Variants in NRXN1 observed in about 807,000 individuals in gnomAD.
NRXN1 encodes neurexin-1.
NRXN1 carries 39 observed loss-of-function variants against 150.9 expected under a neutral mutation model. The observed-to-expected ratio is 0.26, with a 90% CI of 0.20 to 0.34. NRXN1 has a LOEUF of 0.34. NRXN1 is among the 10% of genes least tolerant of loss of function. NRXN1 has a pLI of 1.00. For missense variants in NRXN1, 1,815 were observed against 1,949.9 expected, an observed-to-expected ratio of 0.93 and a Z score of 1.30; for synonymous variants, 924 against 757.0, an observed-to-expected ratio of 1.22 and a Z score of -3.62.
At chr2:50,478,200 A>G (rs1001332040) in intron 15 of NRXN1, among the ~76,000 whole-genome samples, 1 of 152,182 alleles carries the variant, frequency 6.6e-6, no homozygotes, top group African/African-American at 2.4e-5. Flanking sequence ...TATCTGATAA[A>G]CAAACATTTG....
At chr2:49,940,215 C>T (rs965848800) in intron 22 of NRXN1, among the ~76,000 whole-genome samples, 1 of 152,114 alleles carries the variant, frequency 6.6e-6, no homozygotes, top group Non-Finnish European at 1.5e-5. Flanking sequence ...CATCTCCTTA[C>T]AAAGATTTGC....
chr2:50,008,188 T>C (rs1285074856), intron 21 of NRXN1, among the ~76,000 whole-genome samples: 1 of 152,152 alleles, frequency 6.6e-6, no homozygotes, highest in Non-Finnish European at 1.5e-5. Flanking sequence ...ATAGCATTGA[T>C]ACATGGTTTT....
chr2:50,610,019 T>C (rs939873287), intron 8 of NRXN1, among the ~76,000 whole-genome samples: 7 of 152,156 alleles, frequency 4.6e-5, no homozygotes, highest in Non-Finnish European at 1.5e-5. Flanking sequence ...TTAATTTGTT[T>C]TAAATGTGTT....
chr2:50,550,318 T>A (rs550552962), intron 9 of NRXN1, among the ~76,000 whole-genome samples: 208 of 152,078 alleles, frequency 1.4e-3, no homozygotes, highest in African/African-American at 4.8e-3. Context: ...CCTGGAACTC[T>A]TGGGCTCAAG....
chr2:50,817,037 G>A (rs1199759964), intron 5 of NRXN1, among the ~76,000 whole-genome samples: 1 of 151,982 alleles, frequency 6.6e-6, no homozygotes, highest in Non-Finnish European at 1.5e-5. Context: ...AAGAAAAAGG[G>A]TCATGAGGAA....
intron 21 of NRXN1, among the ~76,000 whole-genome samples, chr2:50,020,016 T>G (rs1009432007): frequency 6.8e-6 from 1 of 146,220 alleles, no homozygotes; most frequent in Admixed American, 6.8e-5. Flanking sequence ...CATTAACTAT[T>G]ATAAGGTGGT....
In NRXN1 at chr2:50,240,215, C is replaced by T. The variant is rs72837444; in HGVS notation, c.3365-3245G>A. On this transcript the variant is annotated intron_variant, in intron 17 of 22. Transcript: ENST00000401669. ...TTTCACCAAAACAAAGCAAAAAAATCGCAACTACTGTTTGTCAAACATTGC... is the reference window on the plus strand; with the variant it reads ...TTTCACCAAAACAAAGCAAAAAAATTGCAACTACTGTTTGTCAAACATTGC... Among the ~76,000 whole-genome samples, 1,299 of 151,754 alleles carry T rather than the reference C, an allele frequency of 8.6e-3. 8 individuals carry two copies. The highest frequency in any genetic ancestry group is 0.01 in the Non-Finnish European group (679 of 67,722).
In NRXN1 at chr2:50,302,385, T is replaced by C. The variant is rs549391357; in HGVS notation, c.3365-65415A>G. Among the ~76,000 whole-genome samples, 3 of 152,314 alleles carry C rather than the reference T, an allele frequency of 2.0e-5. No homozygotes were observed. In the South Asian group the frequency reaches 6.2e-4, roughly 32 times the overall value. On this transcript the variant is annotated intron_variant, in intron 17 of 22. Coordinates refer to ENST00000401669, the MANE Select transcript of NRXN1 (RefSeq NM_001330078.2). ...TTGAAATAATGAATAATTTAATCAATTAATACATAATGGGAGCAAATGACT... is the reference window on the plus strand; with the variant it reads ...TTGAAATAATGAATAATTTAATCAACTAATACATAATGGGAGCAAATGACT...
At chr2:50,019,382 C>G in intron 21 of NRXN1, 2 of 450,302 alleles carry the variant, frequency 4.4e-6, no homozygotes, top group East Asian at 1.5e-4. Context: ...CGGTGGCTCA[C>G]GCCTGTAATC....
chr2:50,957,434 G>A (rs992977693), intron 2 of NRXN1, among the ~76,000 whole-genome samples: 4 of 152,074 alleles, frequency 2.6e-5, no homozygotes, highest in Admixed American at 1.3e-4. Context: ...GGATATTACC[G>A]GCATTTACTG....
chr2:50,486,376 T>C (rs2090874639), intron 15 of NRXN1, among the ~76,000 whole-genome samples: 1 of 152,180 alleles, frequency 6.6e-6, no homozygotes, highest in African/African-American at 2.4e-5. Flanking sequence ...TTTTCTACAA[T>C]ACCACTCTAT....
chr2:50,962,330 C>T (rs975553598), intron 2 of NRXN1, among the ~76,000 whole-genome samples: 4 of 151,594 alleles, frequency 2.6e-5, no homozygotes, highest in African/African-American at 9.7e-5. Context: ...CTGAGTATCC[C>T]TTGAGGCCTC....
At chr2:50,291,012 G>A (rs1261322161) in intron 17 of NRXN1, among the ~76,000 whole-genome samples, 1 of 152,074 alleles carries the variant, frequency 6.6e-6, no homozygotes, top group South Asian at 2.1e-4. Context: ...CGTGACACCA[G>A]CATATTTCTA....
chr2:50,599,348 G>C (rs1039500928), intron 8 of NRXN1, among the ~76,000 whole-genome samples: 1 of 152,110 alleles, frequency 6.6e-6, no homozygotes, highest in East Asian at 1.9e-4. Flanking sequence ...CAAATAAATT[G>C]TGCCTTTAGA....
chr2:50,846,550 T>G (rs1271287783), intron 5 of NRXN1, among the ~76,000 whole-genome samples: 1 of 152,296 alleles, frequency 6.6e-6, no homozygotes, highest in South Asian at 2.1e-4. Context: ...TTCAGAAATA[T>G]GGTGGCAATA....
intron 18 of NRXN1, among the ~76,000 whole-genome samples, chr2:50,220,398 T>C (rs564422884): frequency 7.2e-5 from 11 of 152,038 alleles, no homozygotes; most frequent in Admixed American, 6.6e-4. Context: ...ATGCCAACCC[T>C]GCTGAAGAAA....
chr2:50,921,105 A>G (rs1685963303), intron 5 of NRXN1, among the ~76,000 whole-genome samples: 1 of 151,828 alleles, frequency 6.6e-6, no homozygotes, highest in Admixed American at 6.6e-5. Context: ...ACACACAGTT[A>G]AAAATGGTTG....
At chr2:50,875,042 C>A (rs1332642866) in intron 5 of NRXN1, among the ~76,000 whole-genome samples, 1 of 151,744 alleles carries the variant, frequency 6.6e-6, no homozygotes, top group Non-Finnish European at 1.5e-5. Context: ...TATACTAGAG[C>A]ATTCTGCTCC....
chr2:49,974,367 C>A (rs376222810), intron 21 of NRXN1, among the ~76,000 whole-genome samples: 2 of 152,114 alleles, frequency 1.3e-5, no homozygotes, highest in Admixed American at 6.5e-5. Context: ...GCTCCCCTAA[C>A]GAGACCGCAT....
Sources: gnomAD v4.1 joint callset for allele counts (sites outside exome capture counted in the v4.1 genomes callset) on GRCh38, gnomAD v4.1.1 for gene constraint, MANE v1.5 for transcripts, NCBI Gene and HGNC (gene_info 2026-07-23, HGNC 2026-07-21) for gene names.